Variants in TMEM117 observed in about 807,000 individuals in gnomAD.
TMEM117 encodes transmembrane protein 117.
TMEM117 carries 27 observed loss-of-function variants against 52.4 expected under a neutral mutation model. The observed-to-expected ratio is 0.51, with a 90% CI of 0.38 to 0.71. TMEM117 has a LOEUF of 0.71. TMEM117 is among the 30% of genes least tolerant of loss of function. TMEM117 has a pLI of 0.00. For missense variants in TMEM117, 556 were observed against 630.5 expected (o/e 0.88, Z 1.26); for synonymous variants, 215 against 206.3 (o/e 1.04, Z -0.36).
At chr12:44,060,399 G>A (rs1565811673) in intron 3 of TMEM117, among the ~76,000 whole-genome samples, 3 of 152,250 alleles carry the variant, frequency 2.0e-5, no homozygotes, top group Admixed American at 6.5e-5. Flanking sequence ...ACAGTTGCGG[G>A]AAACTGGGAG....
intron 3 of TMEM117, among the ~76,000 whole-genome samples, chr12:44,129,057 G>A (rs1948372470): frequency 6.6e-6 from 1 of 152,170 alleles, no homozygotes; most frequent in South Asian, 2.1e-4. Context: ...CTGTTAGTGT[G>A]CTACATGGTG....
chr12:44,309,193 G>A (rs756750661), intron 6 of TMEM117, among the ~76,000 whole-genome samples: 1 of 152,138 alleles, frequency 6.6e-6, no homozygotes, highest in Non-Finnish European at 1.5e-5. Flanking sequence ...GGAAAATTTA[G>A]GATCACTTTT....
chr12:43,845,173 G>A lies in TMEM117; in HGVS notation c.277+245G>A, dbSNP rs189430034. Among the ~76,000 whole-genome samples, 28 of 152,050 alleles carry A rather than the reference G, an allele frequency of 1.8e-4. No individual in the cohort carries two copies. In the East Asian group the frequency reaches 3.3e-3, roughly 18 times the overall value. The stretch of plus-strand genomic sequence containing the variant: ...TACCAAACTTCATTAAAAAAAAATA[G>A]CATTAGGCCAGGTGTGGTGGCTCAC... On this transcript the variant is annotated intron_variant, in intron 2 of 7. Coordinates refer to ENST00000266534, the MANE Select transcript of TMEM117 (RefSeq NM_032256.3).
intron 3 of TMEM117, among the ~76,000 whole-genome samples, chr12:44,007,721 G>A (rs1399407002): frequency 6.6e-6 from 1 of 152,088 alleles, no homozygotes; most frequent in Non-Finnish European, 1.5e-5. Context: ...ATTGAATCAT[G>A]GGGGCTAGTA....
At chr12:43,909,987 C>G (rs1944467486) in intron 2 of TMEM117, among the ~76,000 whole-genome samples, 1 of 133,196 alleles carries the variant, frequency 7.5e-6, no homozygotes, top group Non-Finnish European at 1.6e-5. Flanking sequence ...CTCCCTAACT[C>G]ATTTTATGAG....
At chr12:44,211,000 A>G (rs1158205293) in intron 4 of TMEM117, among the ~76,000 whole-genome samples, 2 of 152,116 alleles carry the variant, frequency 1.3e-5, no homozygotes, top group Non-Finnish European at 2.9e-5. Context: ...TTTGTTACAT[A>G]TGCTTTGTTT....
At chr12:43,804,717 T>A in the TMEM117 span, 1 of 536,560 alleles carries the variant, frequency 1.9e-6, no homozygotes, top group African/African-American at 2.0e-5. Context: ...CTTTACCGCA[T>A]AAAATAACGA....
At chr12:44,104,326 T>G (rs1947915516) in intron 3 of TMEM117, among the ~76,000 whole-genome samples, 1 of 151,954 alleles carries the variant, frequency 6.6e-6, no homozygotes, top group Admixed American at 6.6e-5. Context: ...TCCTTCCCTT[T>G]ATTTTTTTAA....
In TMEM117 at chr12:43,928,815, A is replaced by G. The variant is rs574499659; in HGVS notation, c.278-15395A>G. On this transcript the variant is annotated intron_variant, in intron 2 of 7. Coordinates refer to ENST00000266534, the MANE Select transcript of TMEM117 (RefSeq NM_032256.3). ...TGTGTCCATGTGTTCTCATTGTTCA[A>G]TTCCCACCTATGAGTGAGAATATGC... 4.6e-3 allele frequency among the ~76,000 whole-genome samples: 678 copies of G among 146,846 alleles called. 12 individuals carry two copies. Among genetic ancestry groups the G allele is most frequent in the African/African-American group, 0.016 (648 of 39,780 alleles).
At chr12:43,934,677 A>T (rs1944922277) in intron 2 of TMEM117, among the ~76,000 whole-genome samples, 1 of 152,048 alleles carries the variant, frequency 6.6e-6, no homozygotes, top group South Asian at 2.1e-4. Flanking sequence ...CTCAATATTC[A>T]GTGTTTGATA....
chr12:44,314,311 T>A lies in TMEM117; in HGVS notation c.768+14572T>A, dbSNP rs1039374694. Among the ~76,000 whole-genome samples, 6 of 152,094 alleles carry A rather than the reference T, an allele frequency of 3.9e-5. No individual in the cohort carries two copies. In the East Asian group the frequency reaches 1.2e-3, roughly 29 times the overall value. ...GTTGAGGTTTTATAATGAAGGGAGG[T>A]TGGATTTTATCAAAAGCCTTTTATA... On this transcript the variant is annotated intron_variant, in intron 6 of 7. Coordinates refer to ENST00000266534, the MANE Select transcript of TMEM117 (RefSeq NM_032256.3).
intron 3 of TMEM117, among the ~76,000 whole-genome samples, chr12:43,992,834 C>T (rs769806826): frequency 6.6e-6 from 1 of 152,202 alleles, no homozygotes; most frequent in Non-Finnish European, 1.5e-5. Flanking sequence ...AAGAAGTCTT[C>T]CCTGATCCCT....
chr12:44,015,999 C>T (rs971569773), intron 3 of TMEM117, among the ~76,000 whole-genome samples: 1 of 152,136 alleles, frequency 6.6e-6, no homozygotes, highest in Non-Finnish European at 1.5e-5. Flanking sequence ...ATCTCTGTGT[C>T]TCAAAAACAA....
intron 5 of TMEM117, among the ~76,000 whole-genome samples, chr12:44,222,236 G>A (rs941199516): frequency 1.3e-5 from 2 of 152,014 alleles, no homozygotes; most frequent in Non-Finnish European, 2.9e-5. Context: ...ACTTAGTCTT[G>A]GACTGCTGGG....
At chr12:44,206,187 T>C (rs948786679) in intron 4 of TMEM117, among the ~76,000 whole-genome samples, 5 of 152,236 alleles carry the variant, frequency 3.3e-5, no homozygotes, top group African/African-American at 4.8e-5. Flanking sequence ...GCATTCCTTA[T>C]GGGAAACAAA....
At chr12:44,370,217 C>A (rs1022169868) in intron 6 of TMEM117, among the ~76,000 whole-genome samples, 1 of 152,164 alleles carries the variant, frequency 6.6e-6, no homozygotes, top group African/African-American at 2.4e-5. Flanking sequence ...TTAATCAACT[C>A]TCCAAACATT....
At chr12:43,905,004 G>A (rs55669442) in intron 2 of TMEM117, among the ~76,000 whole-genome samples, 8,881 of 152,150 alleles carry the variant, frequency 0.058, 307 homozygotes, top group Middle Eastern at 0.13. Context: ...TTAGCTGGGC[G>A]TGGTGGTGCA....
intron 7 of TMEM117, among the ~76,000 whole-genome samples, chr12:44,381,058 T>A (rs2138860800): frequency 6.6e-6 from 1 of 152,322 alleles, no homozygotes; most frequent in African/African-American, 2.4e-5. Flanking sequence ...TAACTTGAAT[T>A]GTTGCATCTG....
chr12:44,155,939 G>A (rs149613435), intron 4 of TMEM117, among the ~76,000 whole-genome samples: 1 of 152,030 alleles, frequency 6.6e-6, no homozygotes, highest in East Asian at 1.9e-4. Context: ...TGTCTCTATC[G>A]CACCCTTAAA....
Sources: allele counts gnomAD v4.1 joint callset (sites outside exome capture counted in the v4.1 genomes callset), GRCh38; gene constraint gnomAD v4.1.1; transcripts MANE v1.5; gene names NCBI Gene and HGNC (gene_info 2026-07-23, HGNC 2026-07-21).